The following PHACTR3 variants were observed in gnomAD, a reference collection of about 807,000 sequenced individuals.
PHACTR3 encodes phosphatase and actin regulator 3.
Under a neutral mutation model 66.8 loss-of-function variants are expected in PHACTR3, and 16 were observed. The observed-to-expected ratio is 0.24, with a 90% CI of 0.16 to 0.36. PHACTR3 has a LOEUF of 0.36. PHACTR3 is among the 10% of genes least tolerant of loss of function. PHACTR3 has a pLI of 1.00. For missense variants in PHACTR3, 647 were observed against 719.9 expected (o/e 0.90, Z 1.16); for synonymous variants, 323 against 292.1 (o/e 1.11, Z -1.08).
intron 7 of PHACTR3, among the ~76,000 whole-genome samples, chr20:59,780,450 C>T (rs1042583987): frequency 6.6e-6 from 1 of 152,210 alleles, no homozygotes; most frequent in African/African-American, 2.4e-5. Context: ...CCCACTTTCT[C>T]ATAGGTGGTG....
At chr20:59,702,362 C>T (rs2037536454) in intron 1 of PHACTR3, among the ~76,000 whole-genome samples, 1 of 152,100 alleles carries the variant, frequency 6.6e-6, no homozygotes, top group Admixed American at 6.5e-5. Context: ...ATGTTGGATC[C>T]TGCACCTTCA....
At chr20:59,683,509 A>G in intron 1 of PHACTR3, among the ~76,000 whole-genome samples, 1 of 151,338 alleles carries the variant, frequency 6.6e-6, no homozygotes, top group Non-Finnish European at 1.5e-5. Context: ...TCAAATTTAA[A>G]CTCATTTTAA....
intron 1 of PHACTR3, among the ~76,000 whole-genome samples, chr20:59,740,990 C>T (rs1448739677): frequency 1.3e-5 from 2 of 152,374 alleles, no homozygotes; most frequent in African/African-American, 4.8e-5. Context: ...GTGACCCCTT[C>T]CCTGGGTCTG....
chr20:59,690,803 A>G (rs2037082219), intron 1 of PHACTR3, among the ~76,000 whole-genome samples: 1 of 152,154 alleles, frequency 6.6e-6, no homozygotes, highest in Non-Finnish European at 1.5e-5. Context: ...TATGCTACTA[A>G]TAATGAACAT....
At chr20:59,601,974 T>C (rs1223896267), upstream of PHACTR3, among the ~76,000 whole-genome samples, 2 of 152,228 alleles carry the variant, frequency 1.3e-5, no homozygotes, top group African/African-American at 4.8e-5. Context: ...GAATGGGTGC[T>C]GCTGTGTAGA....
chr20:59,776,358 GGACTT>G (rs774802805), intron 7 of PHACTR3, among the ~76,000 whole-genome samples: 13 of 152,214 alleles, frequency 8.5e-5, no homozygotes, highest in Non-Finnish European at 1.9e-4. Context: ...TGCCAGGCTG[GGACTT>G]GAACCCAGGC....
intron 1 of PHACTR3, among the ~76,000 whole-genome samples, chr20:59,607,063 C>G (rs927625277): frequency 2.0e-5 from 3 of 152,148 alleles, no homozygotes; most frequent in Non-Finnish European, 4.4e-5. Flanking sequence ...GGAGGAAGGG[C>G]GGGCTCAGGG....
rs149141678 is a variant in PHACTR3, at chr20:59,688,750, G to A, written c.119-54357G>A. On this transcript the variant is annotated intron_variant, in intron 1 of 12. Transcript: ENST00000371015. ...TACATCGTTGTTTGGAACACAGTGG[G>A]GGTAATGCATAAATGCTGAATAAAT... Among the ~76,000 whole-genome samples, 173 of 152,178 alleles carry A rather than the reference G, an allele frequency of 1.1e-3. 1 individual carries two copies. The East Asian group carries it at 0.026, about 22-fold the overall frequency.
rs905860744 is a variant in PHACTR3 at position 59,739,091 on chromosome 20, C to T, written c.119-4016C>T. Among the ~76,000 whole-genome samples the T allele has an allele frequency of 3.9e-5, 6 of 152,198 alleles. No individual in the cohort carries two copies. In the East Asian group the frequency reaches 5.8e-4, roughly 15 times the overall value. Reference sequence around the variant, plus strand: ...CCCGTGGCCTTGGGGAGAGGGTGGCCGGGAGGATCTGTGGTTAATTGGTGT... The same window carrying T: ...CCCGTGGCCTTGGGGAGAGGGTGGCTGGGAGGATCTGTGGTTAATTGGTGT... On this transcript the variant is annotated intron_variant, in intron 1 of 12. Coordinates refer to ENST00000371015, the MANE Select transcript of PHACTR3 (RefSeq NM_080672.5).
At position 59,733,117 on chromosome 20, in the gene PHACTR3, C is replaced by T. The variant is rs115579922; in HGVS notation, c.119-9990C>T. On this transcript the variant is annotated intron_variant, in intron 1 of 12. Transcript: ENST00000371015. ...ATCCCTCCCTGCCCTCCACCCAACA[C>T]CAGCAAGCAGTTTATTCCTCCATTA... is the stretch of plus-strand genomic sequence containing the variant. Among the ~76,000 whole-genome samples the T allele has an allele frequency of 7.1e-3, 1,067 of 149,612 alleles. 11 individuals carry two copies. The highest frequency in any genetic ancestry group is 0.024 in the African/African-American group (989 of 40,622).
At chr20:59,598,252 A>G (rs1330683755) in intron 1 of PHACTR3, among the ~76,000 whole-genome samples, 1 of 152,206 alleles carries the variant, frequency 6.6e-6, no homozygotes, top group Admixed American at 6.5e-5. Context: ...GGGGGCACGG[A>G]AGGAGAATAT....
chr20:59,667,302 G>A (rs564653247), intron 1 of PHACTR3, among the ~76,000 whole-genome samples: 1 of 152,370 alleles, frequency 6.6e-6, no homozygotes, highest in South Asian at 2.1e-4. Flanking sequence ...CCAATGAGCT[G>A]TGGGGCTCCC....
chr20:59,836,394 TG>T (rs2058966338), intron 8 of PHACTR3, 110 bp from the exon 9 acceptor site: 2 of 938,938 alleles, frequency 2.1e-6, no homozygotes, highest in Non-Finnish European at 3.1e-6. Context: ...CTTCCAATTT[TG>T]GGAGGCGATC....
chr20:59,701,826 A>G (rs970015232), intron 1 of PHACTR3, among the ~76,000 whole-genome samples: 10 of 152,250 alleles, frequency 6.6e-5, no homozygotes, highest in African/African-American at 2.4e-4. Flanking sequence ...CCATTACAGT[A>G]TCATAGAGGA....
chr20:59,806,229 G>A, intron 8 of PHACTR3, 35 bp downstream of exon 8: 1 of 1,604,086 alleles, frequency 6.2e-7, no homozygotes, highest in East Asian at 2.2e-5. Flanking sequence ...CCGGGCCTGT[G>A]CTCTGGCCTT....
chr20:59,687,566 GA>G (rs2036949560), intron 1 of PHACTR3, among the ~76,000 whole-genome samples: 1 of 152,168 alleles, frequency 6.6e-6, no homozygotes, highest in Non-Finnish European at 1.5e-5. Context: ...AGTGTGGACT[GA>G]AGCCTCCGGG....
At chr20:59,693,896 C>T (rs991377073) in intron 1 of PHACTR3, among the ~76,000 whole-genome samples, 4 of 152,186 alleles carry the variant, frequency 2.6e-5, no homozygotes, top group Admixed American at 6.5e-5. Flanking sequence ...AGGCTCAAAT[C>T]GGGCCCACCA....
chr20:59,578,485 T>C (rs928658516), intron 1 of PHACTR3, among the ~76,000 whole-genome samples: 7 of 152,234 alleles, frequency 4.6e-5, no homozygotes, highest in African/African-American at 1.7e-4. Flanking sequence ...ATCTGTGTTT[T>C]TAACCAAAGC....
intron 1 of PHACTR3, among the ~76,000 whole-genome samples, chr20:59,637,699 A>T (rs1364257804): frequency 2.7e-4 from 6 of 22,130 alleles, no homozygotes; most frequent in Non-Finnish European, 3.1e-4. Context: ...AAAGCATTAA[A>T]AAAAAAAAAA....
Sources: allele counts gnomAD v4.1 joint callset (sites outside exome capture counted in the v4.1 genomes callset), GRCh38; gene constraint gnomAD v4.1.1; transcripts MANE v1.5; gene names NCBI Gene and HGNC (gene_info 2026-07-23, HGNC 2026-07-21).